RNF17: variants seen among roughly 807,000 people sequenced by gnomAD.
RNF17 encodes the protein ring finger protein 17, also known as spermatogenesis associated 23.
Under a neutral mutation model 200.5 loss-of-function variants are expected in RNF17, and 31 were observed. The observed-to-expected ratio is 0.15, with a 90% CI of 0.12 to 0.21. RNF17 has a LOEUF of 0.21. RNF17 is among the 10% of genes least tolerant of loss of function. RNF17 has a pLI of 1.00. For missense variants in RNF17, 1,628 were observed against 1,905.1 expected, an observed-to-expected ratio of 0.85 and a Z score of 2.71; for synonymous variants, 606 against 637.8, an observed-to-expected ratio of 0.95 and a Z score of 0.75.
Position 24,854,077 on chromosome 13 carries a change from C to T in RNF17, c.3543C>T (p.Asn1181=), listed in dbSNP as rs779255899. ...GYKPPAIPNM[N]VFEATVSCVG... ...AGCCACCAGCTATTCCTAACATGAA[C>T]GTATTTGAGGCAACAGTCAGCTGTG... Residue 1181 remains asparagine, a synonymous_variant, in exon 25 of 36, where the codon AAC becomes AAT. Transcript: ENST00000255324. The T allele has an allele frequency of 4.8e-5, 78 of 1,613,742 alleles. No individual in the cohort carries two copies. Among genetic ancestry groups the T allele is most frequent in the Non-Finnish European group, 6.3e-5 (74 of 1,179,814 alleles).
chr13:24,818,526 A>G (rs770743269), intron 15 of RNF17, among the ~76,000 whole-genome samples: 1 of 152,092 alleles, frequency 6.6e-6, no homozygotes, highest in East Asian at 1.9e-4. Context: ...TTTTCCTTCA[A>G]TTCTGTCAAT....
At chr13:24,848,078 G>T (rs1003155966) in intron 22 of RNF17, among the ~76,000 whole-genome samples, 6 of 152,070 alleles carry the variant, frequency 3.9e-5, no homozygotes, top group Non-Finnish European at 8.8e-5. Flanking sequence ...TTGTCTTAAA[G>T]ACACTATTTC....
Position 24,831,881 on chromosome 13 carries a change from T to C in RNF17, c.2385T>C (p.Tyr795=). The change falls in exon 18 of 36, where the codon TAT becomes TAC. Residue 795 remains tyrosine, a synonymous_variant. Coordinates refer to ENST00000255324, the MANE Select transcript of RNF17 (RefSeq NM_031277.3). ...AGGCAATTAAATGTAAGTTGGCCTA[T>C]ATTGAACCATATAAAAGGACAATGC... The part of the protein sequence containing the change: ...PEKAIKCKLA[Y]IEPYKRTMQW... 6.2e-7 allele frequency: 1 copy of C among 1,607,226 alleles called. No homozygotes were observed. The highest frequency in any genetic ancestry group is 8.5e-7 in the Non-Finnish European group (1 of 1,178,182).
chr13:24,756,511 T>G, the RNF17 span, among the ~76,000 whole-genome samples: 2 of 118,406 alleles, frequency 1.7e-5, no homozygotes, highest in Non-Finnish European at 4.2e-5. Context: ...TTCTGTTGGG[T>G]TTTTTTTTTC....
upstream of RNF17, among the ~76,000 whole-genome samples, chr13:24,761,573 C>T (rs1878742809): frequency 6.6e-6 from 1 of 152,142 alleles, no homozygotes; most frequent in Non-Finnish European, 1.5e-5. Flanking sequence ...CATTTCTCAG[C>T]TGTTTAGGAG....
At chr13:24,869,382 G>A (rs1894003836) in intron 31 of RNF17, among the ~76,000 whole-genome samples, 1 of 152,158 alleles carries the variant, frequency 6.6e-6, no homozygotes, top group African/African-American at 2.4e-5. Context: ...CTATATAGTT[G>A]CTAAACAACT....
chr13:24,876,652 C>G (rs1566264785), intron 33 of RNF17, among the ~76,000 whole-genome samples: 1 of 152,126 alleles, frequency 6.6e-6, no homozygotes, highest in Non-Finnish European at 1.5e-5. Flanking sequence ...TTGGATTTGA[C>G]TTGCATTTCC....
chr13:24,779,453 G>A (rs1882054238), intron 4 of RNF17, among the ~76,000 whole-genome samples: 1 of 152,076 alleles, frequency 6.6e-6, no homozygotes, highest in Non-Finnish European at 1.5e-5. Flanking sequence ...AATCTGGAAT[G>A]GTCTAACTAA....
Position 24,866,212 on chromosome 13 carries a change from C to T in RNF17, c.4161+9C>T, listed in dbSNP as rs1454570269. 6.7e-7 allele frequency: 1 copy of T among 1,496,368 alleles called. No homozygotes were observed. The highest frequency in any genetic ancestry group is 2.3e-5 in the East Asian group (1 of 43,920). 92.7% of individuals were successfully genotyped at this position (1,496,368 alleles called of 1,614,324 possible). A position where few individuals can be genotyped will look rare whatever the true frequency, so the allele number is the denominator to read the frequency against. ...GGGAAATAAGGTTTGAGGTAAGTAA[C>T]AATCCAAGTATTTTGGAAACTTTGG... On this transcript the variant is annotated intron_variant, in intron 30 of 35. Transcript: ENST00000255324.
At chr13:24,821,287 G>A (rs897443323) in intron 15 of RNF17, among the ~76,000 whole-genome samples, 2 of 152,060 alleles carry the variant, frequency 1.3e-5, no homozygotes, top group East Asian at 1.9e-4. Flanking sequence ...AACCTGTATC[G>A]AAATTAGGTC....
the RNF17 span, among the ~76,000 whole-genome samples, chr13:24,749,985 C>G: frequency 6.6e-6 from 1 of 152,128 alleles, no homozygotes; most frequent in Non-Finnish European, 1.5e-5. Context: ...CTCCTTACCT[C>G]AAGTGATCCA....
intron 20 of RNF17, among the ~76,000 whole-genome samples, chr13:24,844,435 G>A (rs1891019436): frequency 1.4e-5 from 2 of 147,674 alleles, no homozygotes; most frequent in South Asian, 2.1e-4. Flanking sequence ...AAGGAAGGAG[G>A]GAGGTAAGCC....
At chr13:24,824,429 A>G (rs1251735205) in intron 15 of RNF17, 2 of 376,874 alleles carry the variant, frequency 5.3e-6, no homozygotes, top group African/African-American at 2.1e-5. Context: ...ATAAGGATTC[A>G]GAAAATTTTC....
chr13:24,837,288 A>G (rs572882533), intron 18 of RNF17, among the ~76,000 whole-genome samples: 53 of 152,304 alleles, frequency 3.5e-4, no homozygotes, highest in African/African-American at 4.6e-4. Context: ...GGGGACTTCA[A>G]TATTCCACTG....
At chr13:24,860,523 C>T (rs1383174766) in intron 26 of RNF17, among the ~76,000 whole-genome samples, 2 of 152,140 alleles carry the variant, frequency 1.3e-5, no homozygotes, top group Non-Finnish European at 2.9e-5. Flanking sequence ...GGTATTCAGA[C>T]ATTTTTTGTT....
chr13:24,749,845 G>A, the RNF17 span, among the ~76,000 whole-genome samples: 1 of 152,176 alleles, frequency 6.6e-6, no homozygotes, highest in Non-Finnish European at 1.5e-5. Context: ...TGCTGTCCAG[G>A]TTCAAACGAT....
upstream of RNF17, among the ~76,000 whole-genome samples, chr13:24,759,928 G>A (rs1878561203): frequency 6.6e-6 from 1 of 152,054 alleles, no homozygotes. Context: ...ATAACCTGAG[G>A]TCAGGAGTTC....
At chr13:24,809,472 G>A (rs1305367895) in intron 15 of RNF17, among the ~76,000 whole-genome samples, 1 of 152,126 alleles carries the variant, frequency 6.6e-6, no homozygotes, top group Non-Finnish European at 1.5e-5. Flanking sequence ...GTATTTCTGT[G>A]GGATCGGTGG....
intron 15 of RNF17, among the ~76,000 whole-genome samples, chr13:24,824,868 T>C (rs1005269157): frequency 6.6e-6 from 1 of 152,182 alleles, no homozygotes; most frequent in Admixed American, 6.5e-5. Context: ...ATATTAGTAG[T>C]CATTAAGTAT....
Sources: gnomAD v4.1 joint callset for allele counts (sites outside exome capture counted in the v4.1 genomes callset) on GRCh38, gnomAD v4.1.1 for gene constraint, MANE v1.5 for transcripts, NCBI Gene and HGNC (gene_info 2026-07-23, HGNC 2026-07-21) for gene names.